The following SFSWAP variants were observed in gnomAD, a reference collection of about 807,000 sequenced individuals.
The protein encoded by SFSWAP is splicing factor SWAP.
In SFSWAP, 17 loss-of-function variants were observed where a neutral mutation model predicts 100.7. That is an observed-to-expected ratio of 0.17 (90% CI 0.12 to 0.25). The LOEUF is 0.25. Ranked by LOEUF, SFSWAP falls within the 10% of genes least tolerant of loss-of-function variation. SFSWAP has a pLI of 1.00. For synonymous variants in SFSWAP, 504 were observed against 510.1 expected (o/e 0.99, Z 0.16); for missense variants, 1,005 against 1,262.6 (o/e 0.80, Z 3.09).
chr12:131,728,385 C>T lies in SFSWAP; in HGVS notation c.1038C>T (p.Asp346=), dbSNP rs368504316. The part of the protein sequence containing the change: ...DSSTPTPHNA[D]GAPVQPSQVE... The stretch of plus-strand genomic sequence containing the variant: ...CCACTCCCACCCCACACAACGCAGA[C>T]GGTGCGCCTGTGCAGCCCTCCCAGG... The change falls in exon 7 of 18, where the codon GAC becomes GAT. Residue 346 remains aspartate (D), a synonymous_variant. Transcript: ENST00000261674. 2.0e-5 allele frequency: 32 copies of T among 1,614,256 alleles called. No individual in the cohort carries two copies. The highest frequency in any genetic ancestry group is 8.9e-5 in the East Asian group (4 of 44,886).
intron 11 of SFSWAP, 43 bp downstream of exon 11, chr12:131,756,687 A>G (rs1593155210): frequency 1.3e-6 from 2 of 1,498,710 alleles, no homozygotes; most frequent in Non-Finnish European, 1.8e-6. Context: ...TTCCACCATA[A>G]GTTGGCAAGC....
Position 131,761,688 on chromosome 12 carries a change from C to T in SFSWAP, c.1721-2768C>T, listed in dbSNP as rs1212192762. Among the ~76,000 whole-genome samples, 8 of 152,172 alleles carry T rather than the reference C, an allele frequency of 5.3e-5. No individual in the cohort carries two copies. The East Asian group carries it at 1.2e-3, about 22-fold the overall frequency. On this transcript the variant is annotated intron_variant, in intron 11 of 17. Coordinates refer to ENST00000261674, the MANE Select transcript of SFSWAP (RefSeq NM_004592.4). ...AGGACATGCTTTCCATGTGCTGTGACGTGATCTGCAAGGAAGATTCTAGGC... is the reference window on the plus strand; with the variant it reads ...AGGACATGCTTTCCATGTGCTGTGATGTGATCTGCAAGGAAGATTCTAGGC...
rs1877718781 is a variant in SFSWAP at position 131,714,731 on chromosome 12, T to G, written c.389-91T>G. On this transcript the variant is annotated intron_variant, in intron 2 of 17. Coordinates refer to ENST00000261674, the MANE Select transcript of SFSWAP (RefSeq NM_004592.4). This position sits in a 1 kb window ranked among gnomAD's most constrained non-coding sequence, Gnocchi z 6.0. ...AGTAGGTTGAAAAAAGTATGTTGTA[T>G]GCTTTACTGATAGCTACAACTTTAG... 3 of 1,191,236 alleles carry G rather than the reference T, an allele frequency of 2.5e-6. No homozygotes were observed. The South Asian group carries it at 4.0e-5, about 16-fold the overall frequency. The allele number at this position is 1,191,236 out of a possible 1,614,324, so 73.8% of individuals were successfully genotyped here. A position where few individuals can be genotyped will look rare whatever the true frequency, so the allele number is the denominator to read the frequency against.
chr12:131,784,711 A>G (rs1430581201), intron 14 of SFSWAP: 1 of 165,230 alleles, frequency 6.1e-6, no homozygotes, highest in African/African-American at 2.4e-5. Flanking sequence ...CAGAATAAAA[A>G]GCATTAAAGC....
At chr12:131,745,318 C>G (rs987799002) in intron 7 of SFSWAP, among the ~76,000 whole-genome samples, 3 of 152,110 alleles carry the variant, frequency 2.0e-5, no homozygotes, top group South Asian at 2.1e-4. Context: ...CAGAAGGGAT[C>G]TTTTAGGAAT....
chr12:131,798,912 G>A (rs1451748028), intron 16 of SFSWAP, 125 bp from the exon 17 acceptor site: 6 of 683,388 alleles, frequency 8.8e-6, no homozygotes, highest in Non-Finnish European at 7.9e-6. Flanking sequence ...AAAGATACTG[G>A]AAGCAGATGC....
chr12:131,738,521 GA>G (rs1880261173), intron 7 of SFSWAP, among the ~76,000 whole-genome samples: 1 of 152,200 alleles, frequency 6.6e-6, no homozygotes, highest in African/African-American at 2.4e-5. Flanking sequence ...TACTTAAACA[GA>G]AGAGCCTGCA....
At chr12:131,786,330 CAG>C (rs1262176467) in intron 14 of SFSWAP, 131 bp from the exon 15 acceptor site, 1 of 1,094,416 alleles carries the variant, frequency 9.1e-7, no homozygotes, top group Non-Finnish European at 1.2e-6. Flanking sequence ...TCTGAAGCCT[CAG>C]GGTCTACACA....
At chr12:131,738,317 C>T (rs1011945116) in intron 7 of SFSWAP, among the ~76,000 whole-genome samples, 4 of 152,136 alleles carry the variant, frequency 2.6e-5, no homozygotes, top group African/African-American at 9.7e-5. Flanking sequence ...CCCAGGATTC[C>T]ACCATCCAGA....
In SFSWAP at chr12:131,725,294, A is replaced by G. The variant is rs139830622; in HGVS notation, c.607-111A>G. ...GGGCTCTTCCAGCTTAAAGTCTCGT[A>G]TCTCTTAAAATTGACAGTAAAACCA... On this transcript the variant is annotated intron_variant, in intron 4 of 17. Coordinates refer to ENST00000261674, the MANE Select transcript of SFSWAP (RefSeq NM_004592.4). The surrounding 1 kb of genome is among the most constrained non-coding windows in gnomAD (Gnocchi z 4.3). The G allele has an allele frequency of 1.5e-3, 1,303 of 885,204 alleles. 13 individuals are homozygous for G. In the Middle Eastern group the frequency reaches 0.037, roughly 25 times the overall value. The allele number at this position is 885,204 out of a possible 1,614,324, so 54.8% of individuals were successfully genotyped here.
intron 15 of SFSWAP, among the ~76,000 whole-genome samples, chr12:131,791,435 G>T (rs981978299): frequency 2.0e-5 from 3 of 151,890 alleles, no homozygotes; most frequent in African/African-American, 7.3e-5. Context: ...GTCCCAGATG[G>T]CTTCACCAGT....
intron 3 of SFSWAP, among the ~76,000 whole-genome samples, chr12:131,715,481 T>G (rs950153188): frequency 6.6e-6 from 1 of 152,192 alleles, no homozygotes; most frequent in African/African-American, 2.4e-5. Flanking sequence ...AATTAAAGAT[T>G]TGGAATTTAT....
In SFSWAP at chr12:131,725,329, C is replaced by A; in HGVS notation, c.607-76C>A. The stretch of plus-strand genomic sequence containing the variant: ...ATTGACAGTAAAACCAGAGTCATTT[C>A]TATGTTTTAATGAAATCACGTGGCC... On this transcript the variant is annotated intron_variant, in intron 4 of 17. Transcript: ENST00000261674. The surrounding 1 kb of genome is among the most constrained non-coding windows in gnomAD (Gnocchi z 4.3). The A allele has an allele frequency of 8.2e-7, 1 of 1,222,784 alleles. No individual in the cohort carries two copies. Among genetic ancestry groups the A allele is most frequent in the Non-Finnish European group, 1.2e-6 (1 of 828,064 alleles). 75.7% of individuals were successfully genotyped at this position (1,222,784 alleles called of 1,614,324 possible).
intron 14 of SFSWAP, among the ~76,000 whole-genome samples, chr12:131,782,529 A>G (rs1361702910): frequency 1.3e-5 from 2 of 152,202 alleles, no homozygotes; most frequent in Non-Finnish European, 2.9e-5. Context: ...GAACAGACCT[A>G]ATTGATCATT....
chr12:131,728,695 CTTCT>C (rs1479020659), intron 7 of SFSWAP, among the ~76,000 whole-genome samples: 2 of 151,570 alleles, frequency 1.3e-5, no homozygotes, highest in African/African-American at 2.4e-5. Context: ...TGCCTCTGCC[CTTCT>C]TTCTTTTTTT....
intron 15 of SFSWAP, among the ~76,000 whole-genome samples, chr12:131,792,670 G>T (rs1179245704): frequency 6.6e-6 from 1 of 152,208 alleles, no homozygotes; most frequent in Admixed American, 6.6e-5. Flanking sequence ...GACCAGTGCT[G>T]TGTGTGCCCA....
In SFSWAP at chr12:131,725,338, A is replaced by G. The variant is rs1421241019; in HGVS notation, c.607-67A>G. On this transcript the variant is annotated intron_variant, in intron 4 of 17. Coordinates refer to ENST00000261674, the MANE Select transcript of SFSWAP (RefSeq NM_004592.4). This position sits in a 1 kb window ranked among gnomAD's most constrained non-coding sequence, Gnocchi z 4.3. Reference sequence around the variant, plus strand: ...AAAACCAGAGTCATTTCTATGTTTTAATGAAATCACGTGGCCGGTGGACAA... The same window carrying G: ...AAAACCAGAGTCATTTCTATGTTTTGATGAAATCACGTGGCCGGTGGACAA... The G allele has an allele frequency of 7.7e-7, 1 of 1,306,176 alleles. No homozygotes were observed. Among genetic ancestry groups the G allele is most frequent in the Non-Finnish European group, 1.1e-6 (1 of 901,438 alleles). 80.9% of individuals were successfully genotyped at this position (1,306,176 alleles called of 1,614,324 possible).
intron 4 of SFSWAP, among the ~76,000 whole-genome samples, chr12:131,722,222 A>C (rs1404475841): frequency 6.6e-6 from 1 of 152,226 alleles, no homozygotes; most frequent in Non-Finnish European, 1.5e-5. Context: ...TAATGATGAC[A>C]GGATCCTTGA....
Position 131,778,377 on chromosome 12 carries a change from G to A in SFSWAP, c.2408+47G>A. The A allele has an allele frequency of 6.3e-7, 1 of 1,586,036 alleles. No individual in the cohort carries two copies. Among genetic ancestry groups the A allele is most frequent in the Non-Finnish European group, 8.6e-7 (1 of 1,166,844 alleles). The stretch of plus-strand genomic sequence containing the variant: ...CCTCTGGTACCCTCATGACCCCCAT[G>A]TCCTTCACAGGACACCCAGTAGAGC... On this transcript the variant is annotated intron_variant, in intron 14 of 17. Transcript: ENST00000261674. This position sits in a 1 kb window ranked among gnomAD's most constrained non-coding sequence, Gnocchi z 4.2.
Sources: allele counts gnomAD v4.1 joint callset (sites outside exome capture counted in the v4.1 genomes callset), GRCh38; gene constraint gnomAD v4.1.1; non-coding constraint Gnocchi (gnomAD v3.1); transcripts MANE v1.5; gene names NCBI Gene and HGNC (gene_info 2026-07-23, HGNC 2026-07-21).